The following SPIDR variants were observed in gnomAD, a reference collection of about 807,000 sequenced individuals.
SPIDR encodes scaffold protein involved in DNA repair.
Under a neutral mutation model 104.6 loss-of-function variants are expected in SPIDR, and 93 were observed. That is an observed-to-expected ratio of 0.89 (90% CI 0.75 to 1.06). The LOEUF (loss-of-function observed/expected upper bound fraction) is 1.06, where lower values mean the gene tolerates loss of function less well. Ranked by LOEUF, SPIDR falls within the 50% of genes least tolerant of loss-of-function variation. The probability of loss-of-function intolerance (pLI) is 0.00; values close to 1 mark genes in which losing one functional copy is unlikely to be tolerated. For missense variants in SPIDR, 1,154 were observed against 1,111.2 expected, an observed-to-expected ratio of 1.04 and a Z score of -0.55; for synonymous variants, 431 against 416.9, an observed-to-expected ratio of 1.03 and a Z score of -0.41.
chr8:47,545,083 CTTTCTTTCTT>C (rs1464078633), intron 8 of SPIDR, among the ~76,000 whole-genome samples: 7 of 39,222 alleles, frequency 1.8e-4, no homozygotes, highest in Non-Finnish European at 4.9e-4. Context: ...TTCTTTCTTT[CTTTCTTTCTT>C]TCTTTCTTTC....
chr8:47,512,547 C>G (rs1053146749), intron 8 of SPIDR, among the ~76,000 whole-genome samples: 1 of 152,178 alleles, frequency 6.6e-6, no homozygotes, highest in Non-Finnish European at 1.5e-5. Context: ...TAGTGCAGGC[C>G]TCAGCTGCTA....
chr8:47,702,343 G>T (rs1206064065), intron 14 of SPIDR, among the ~76,000 whole-genome samples: 1 of 152,122 alleles, frequency 6.6e-6, no homozygotes, highest in Non-Finnish European at 1.5e-5. Context: ...AAGCTTCTCA[G>T]CCCAGTAATG....
At chr8:47,510,754 A>G (rs2082193433) in intron 8 of SPIDR, among the ~76,000 whole-genome samples, 1 of 152,316 alleles carries the variant, frequency 6.6e-6, no homozygotes, top group Admixed American at 6.5e-5. Flanking sequence ...TTCAGTTTCT[A>G]TGTCTATATA....
At chr8:47,615,071 A>ATT (rs879305298) in intron 10 of SPIDR, among the ~76,000 whole-genome samples, 1 of 144,404 alleles carries the variant, frequency 6.9e-6, no homozygotes, top group African/African-American at 2.5e-5. Context: ...AGAAGTTTTA[A>ATT]TTTTTTTTTT....
intron 7 of SPIDR, among the ~76,000 whole-genome samples, chr8:47,418,640 G>T (rs2064825799): frequency 6.6e-6 from 1 of 152,132 alleles, no homozygotes; most frequent in African/African-American, 2.4e-5. Flanking sequence ...GCCCTGGCCA[G>T]AACTTCCAAC....
intron 8 of SPIDR, among the ~76,000 whole-genome samples, chr8:47,544,070 T>C (rs2154393820): frequency 6.6e-6 from 1 of 152,288 alleles, no homozygotes; most frequent in Non-Finnish European, 1.5e-5. Flanking sequence ...TTAGGGTTTC[T>C]CTGTGGTCCC....
chr8:47,320,024 C>G (rs573520464), intron 5 of SPIDR, among the ~76,000 whole-genome samples: 4 of 151,892 alleles, frequency 2.6e-5, no homozygotes, highest in Non-Finnish European at 4.4e-5. Context: ...ACCCTAACAT[C>G]ACAATTAAAA....
intron 7 of SPIDR, among the ~76,000 whole-genome samples, chr8:47,417,089 A>C (rs868912856): frequency 3.3e-5 from 5 of 152,156 alleles, no homozygotes; most frequent in African/African-American, 1.2e-4. Flanking sequence ...ATAAACATAC[A>C]TGTGCATGTG....
intron 8 of SPIDR, among the ~76,000 whole-genome samples, chr8:47,545,674 A>G (rs909875070): frequency 2.0e-5 from 3 of 152,152 alleles, no homozygotes; most frequent in Non-Finnish European, 4.4e-5. Flanking sequence ...ACTACACTGA[A>G]TAGCAGAAGT....
chr8:47,344,612 A>G (rs564495794), intron 5 of SPIDR, among the ~76,000 whole-genome samples: 4 of 152,218 alleles, frequency 2.6e-5, no homozygotes, highest in Non-Finnish European at 4.4e-5. Context: ...CTATCTCTCC[A>G]CATCCTCTCC....
At chr8:47,319,763 A>T (rs2154260947) in intron 5 of SPIDR, among the ~76,000 whole-genome samples, 1 of 152,352 alleles carries the variant, frequency 6.6e-6, no homozygotes, top group South Asian at 2.1e-4. Flanking sequence ...ACCACAGTGC[A>T]ATCAAACTAG....
intron 7 of SPIDR, among the ~76,000 whole-genome samples, chr8:47,415,988 G>GT (rs1473509701): frequency 3.3e-5 from 5 of 152,194 alleles, no homozygotes; most frequent in Non-Finnish European, 5.9e-5. Context: ...GCTCACACCT[G>GT]TAATTCCAGC....
intron 5 of SPIDR, among the ~76,000 whole-genome samples, chr8:47,351,860 G>C (rs1390032329): frequency 2.6e-5 from 4 of 152,110 alleles, no homozygotes; most frequent in Non-Finnish European, 4.4e-5. Flanking sequence ...GAGCATCCTT[G>C]GATTTTCTTG....
intron 5 of SPIDR, among the ~76,000 whole-genome samples, chr8:47,363,136 G>A (rs1263973312): frequency 1.3e-5 from 2 of 150,486 alleles, no homozygotes; most frequent in African/African-American, 2.4e-5. Context: ...AGTTCATGTA[G>A]CAAAAGCATC....
intron 7 of SPIDR, among the ~76,000 whole-genome samples, chr8:47,423,161 T>C (rs782686354): frequency 6.6e-6 from 1 of 151,738 alleles, no homozygotes; most frequent in African/African-American, 2.4e-5. Context: ...AAAATTGGCA[T>C]GTTGTGGGCT....
At chr8:47,349,525 G>A (rs2052984129) in intron 5 of SPIDR, among the ~76,000 whole-genome samples, 1 of 152,222 alleles carries the variant, frequency 6.6e-6, no homozygotes, top group Admixed American at 6.5e-5. Context: ...GGATGTTTAA[G>A]TCTGCAGAAG....
intron 8 of SPIDR, among the ~76,000 whole-genome samples, chr8:47,456,011 G>A (rs1254281792): frequency 6.6e-6 from 1 of 152,104 alleles, no homozygotes; most frequent in African/African-American, 2.4e-5. Flanking sequence ...GACCTAACAT[G>A]TGTAAAACAT....
chr8:47,729,195 A>G (rs1447621261), intron 18 of SPIDR, 148 bp downstream of exon 18: 4 of 1,506,102 alleles, frequency 2.7e-6, no homozygotes. Context: ...AACTCCCTCT[A>G]GGTCCTAGGA....
At chr8:47,624,897 A>T (rs985775853) in intron 10 of SPIDR, among the ~76,000 whole-genome samples, 1 of 152,240 alleles carries the variant, frequency 6.6e-6, no homozygotes, top group African/African-American at 2.4e-5. Flanking sequence ...TGAGGCCGGC[A>T]TCATCCTGAT....
Sources: gnomAD v4.1 joint callset for allele counts (sites outside exome capture counted in the v4.1 genomes callset) on GRCh38, gnomAD v4.1.1 for gene constraint, MANE v1.5 for transcripts, NCBI Gene and HGNC (gene_info 2026-07-23, HGNC 2026-07-21) for gene names.